The following RERE variants were observed in gnomAD, a reference collection of about 807,000 sequenced individuals.
RERE encodes arginine-glutamic acid dipeptide repeats, also known as arginine-glutamic acid dipeptide repeats protein.
In RERE, 40 loss-of-function variants were observed where a neutral mutation model predicts 146.1. The ratio of observed to expected loss-of-function variants is 0.27; its 90% CI spans 0.21 to 0.36. The LOEUF is 0.36. RERE is among the 10% of genes least tolerant of loss of function. The pLI, the probability that RERE is intolerant of heterozygous loss-of-function variation, is 1.00. For missense variants in RERE, 1,933 were observed against 2,138.7 expected (o/e 0.90, Z 1.90); for synonymous variants, 1,003 against 866.0 (o/e 1.16, Z -2.78).
At chr1:8,366,677 G>A (rs896818208) in intron 12 of RERE, among the ~76,000 whole-genome samples, 1 of 152,210 alleles carries the variant, frequency 6.6e-6, no homozygotes, top group African/African-American at 2.4e-5. Flanking sequence ...ACACAGTGGT[G>A]CTGATGCAAA....
chr1:8,516,227 G>A (rs1300996077), intron 7 of RERE, among the ~76,000 whole-genome samples: 62 of 52,242 alleles, frequency 1.2e-3, no homozygotes, highest in South Asian at 1.5e-3. Context: ...TCTCTCAGAG[G>A]AAAAAAAAAA....
At chr1:8,737,353 C>T (rs1026079899) in intron 1 of RERE, among the ~76,000 whole-genome samples, 1 of 152,194 alleles carries the variant, frequency 6.6e-6, no homozygotes, top group Non-Finnish European at 1.5e-5. Context: ...AAGAATAAAT[C>T]ACAGAGGGCT....
At position 8,360,801 on chromosome 1, in the gene RERE, G is replaced by T. The variant is rs935538913; in HGVS notation, c.2706C>A (p.Ala902=). 10 of 1,579,498 alleles carry T rather than the reference G, an allele frequency of 6.3e-6. No individual in the cohort carries two copies. The highest frequency in any genetic ancestry group is 8.6e-6 in the Non-Finnish European group (10 of 1,168,438). Residue 902 remains alanine, a synonymous_variant, in exon 18 of 23, where the codon GCC becomes GCA. Transcript: ENST00000400908. ...GTTGGGACTGCAGCGCTGACTGAGA[G>T]GCTGGCAGCTGCAGGGAGGTGTGAG... The part of the protein sequence containing the change: ...AYPHTSLQLP[A]SQSALQSQQP...
Position 8,359,997 on chromosome 1 carries a change from CCA to C in RERE, c.3396-13_3396-12del. Reference sequence around the variant, plus strand: ...AGGTGTTTGTAGAACCTGAGAAAAGCCACAGATCTTGCTGGGAGCTCCTGCCG... The same window carrying C: ...AGGTGTTTGTAGAACCTGAGAAAAGCCAGATCTTGCTGGGAGCTCCTGCCG... On this transcript the variant is annotated splice_polypyrimidine_tract_variant and intron_variant, in intron 18 of 22. Coordinates refer to ENST00000400908, the MANE Select transcript of RERE (RefSeq NM_001042681.2). 1 of 1,611,520 alleles carries C rather than the reference CCA, an allele frequency of 6.2e-7. No individual in the cohort carries two copies. Among genetic ancestry groups the C allele is most frequent in the Non-Finnish European group, 8.5e-7 (1 of 1,179,148 alleles).
chr1:8,375,569 C>T (rs952075841), intron 12 of RERE, among the ~76,000 whole-genome samples: 130 of 149,024 alleles, frequency 8.7e-4, no homozygotes, highest in Admixed American at 1.5e-3. Context: ...ACTGAAAATG[C>T]TTCCTCGCTC....
In RERE at chr1:8,358,578, C is replaced by T; in HGVS notation, c.3957G>A (p.Leu1319=). The part of the protein sequence containing the change: ...IREREIRERE[L]RERMKPGFEV... ...CGAAGCCCGGCTTCATCCTCTCCCGCAGCTCCCGCTCTCGGATCTCCCGCT... is the reference window on the plus strand; with the variant it reads ...CGAAGCCCGGCTTCATCCTCTCCCGTAGCTCCCGCTCTCGGATCTCCCGCT... The change falls in exon 20 of 23, where the codon CTG becomes CTA. Residue 1319 remains leucine (L), a synonymous_variant. Coordinates refer to ENST00000400908, the MANE Select transcript of RERE (RefSeq NM_001042681.2). 1 of 1,605,990 alleles carries T rather than the reference C, an allele frequency of 6.2e-7. No homozygotes were observed. Among genetic ancestry groups the T allele is most frequent in the Non-Finnish European group, 8.5e-7 (1 of 1,176,606 alleles).
intron 1 of RERE, among the ~76,000 whole-genome samples, chr1:8,716,281 T>C (rs546857305): frequency 8.6e-4 from 120 of 139,048 alleles, no homozygotes; most frequent in African/African-American, 3.3e-3. Context: ...TAGGCAACAC[T>C]GCAAGATCTC....
At chr1:8,405,787 C>A (rs1031485148) in intron 12 of RERE, among the ~76,000 whole-genome samples, 1 of 152,070 alleles carries the variant, frequency 6.6e-6, no homozygotes, top group South Asian at 2.1e-4. Flanking sequence ...TACATGCACA[C>A]GCCACCACGC....
At chr1:8,447,163 C>T (rs982068983) in intron 11 of RERE, among the ~76,000 whole-genome samples, 5 of 151,190 alleles carry the variant, frequency 3.3e-5, no homozygotes, top group African/African-American at 1.2e-4. Flanking sequence ...ATGTTCTTCT[C>T]TAAACTGGTT....
At chr1:8,480,328 CG>C in intron 10 of RERE, among the ~76,000 whole-genome samples, 1 of 151,416 alleles carries the variant, frequency 6.6e-6, no homozygotes, top group East Asian at 1.9e-4. Context: ...TTAGTAGAGA[CG>C]GGGTTTCACC....
At chr1:8,553,967 A>T (rs1645972302) in intron 6 of RERE, among the ~76,000 whole-genome samples, 1 of 152,138 alleles carries the variant, frequency 6.6e-6, no homozygotes, top group Admixed American at 6.5e-5. Flanking sequence ...ACTTGAGGTC[A>T]GGAGTTCAAG....
At chr1:8,492,240 T>C (rs1437506595) in intron 10 of RERE, among the ~76,000 whole-genome samples, 1 of 152,106 alleles carries the variant, frequency 6.6e-6, no homozygotes, top group African/African-American at 2.4e-5. Flanking sequence ...CAGAAGGAGC[T>C]TGCCACAAAG....
At chr1:8,597,385 C>T (rs1021160481) in intron 4 of RERE, among the ~76,000 whole-genome samples, 1 of 152,172 alleles carries the variant, frequency 6.6e-6, no homozygotes, top group Non-Finnish European at 1.5e-5. Context: ...AGCCACTGTG[C>T]CCAGCCCCTG....
intron 11 of RERE, among the ~76,000 whole-genome samples, chr1:8,435,417 A>G (rs1644156242): frequency 6.6e-6 from 1 of 152,202 alleles, no homozygotes; most frequent in Non-Finnish European, 1.5e-5. Context: ...TGTTCCTCCA[A>G]GGCTATTTGA....
chr1:8,537,049 A>C (rs1463049), intron 7 of RERE, among the ~76,000 whole-genome samples: 2 of 151,678 alleles, frequency 1.3e-5, no homozygotes, highest in African/African-American at 4.9e-5. Flanking sequence ...CAAAAAATTT[A>C]AAAAATGAGC....
chr1:8,495,432 G>A (rs1172233288), intron 9 of RERE, among the ~76,000 whole-genome samples: 4 of 151,646 alleles, frequency 2.6e-5, no homozygotes, highest in African/African-American at 9.7e-5. Context: ...CTCCTGCCTC[G>A]GCCTCCCGAG....
intron 1 of RERE, among the ~76,000 whole-genome samples, chr1:8,787,623 G>C (rs967582672): frequency 6.6e-6 from 1 of 152,018 alleles, no homozygotes; most frequent in Non-Finnish European, 1.5e-5. Context: ...CTGAGGTCAG[G>C]AGTTCCAGAC....
intron 7 of RERE, among the ~76,000 whole-genome samples, chr1:8,532,603 T>A (rs960913384): frequency 6.6e-6 from 1 of 150,644 alleles, no homozygotes; most frequent in African/African-American, 2.4e-5. Context: ...TTATTTTTAA[T>A]TTTTTTTTGA....
chr1:8,762,204 C>G (rs1049202737), intron 1 of RERE, among the ~76,000 whole-genome samples: 2 of 152,144 alleles, frequency 1.3e-5, no homozygotes, highest in Non-Finnish European at 1.5e-5. Context: ...TCACTTGACC[C>G]TTACCAATTT....
Sources: allele counts gnomAD v4.1 joint callset (sites outside exome capture counted in the v4.1 genomes callset), GRCh38; gene constraint gnomAD v4.1.1; transcripts MANE v1.5; gene names NCBI Gene and HGNC (gene_info 2026-07-23, HGNC 2026-07-21).